The following SPON1 variants were observed in gnomAD, a reference collection of about 807,000 sequenced individuals.
SPON1 encodes the protein spondin 1, also known as spondin-1.
In SPON1, 52 loss-of-function variants were observed where a neutral mutation model predicts 111.7. That is an observed-to-expected ratio of 0.47 (90% CI 0.37 to 0.59). SPON1 has a LOEUF of 0.59. Among genes scored for constraint, SPON1 ranks in the 20% least tolerant of loss-of-function variants. The pLI is 0.00. For missense variants in SPON1, 957 were observed against 1,068.5 expected (o/e 0.90, Z 1.46); for synonymous variants, 410 against 395.8 (o/e 1.04, Z -0.43).
At chr11:14,002,740 C>T (rs1554912578) in intron 2 of SPON1, among the ~76,000 whole-genome samples, 2 of 152,112 alleles carry the variant, frequency 1.3e-5, no homozygotes, top group African/African-American at 4.8e-5. Context: ...ACCCCAAACA[C>T]AGTAGAAGAT....
intron 1 of SPON1, among the ~76,000 whole-genome samples, chr11:13,973,003 C>A (rs1554908781): frequency 6.6e-6 from 1 of 152,166 alleles, no homozygotes. Flanking sequence ...CTCGCTTCTA[C>A]CTTCTCTGTC....
intron 6 of SPON1, among the ~76,000 whole-genome samples, chr11:14,139,485 C>T (rs1166145738): frequency 6.6e-6 from 1 of 152,114 alleles, no homozygotes; most frequent in Non-Finnish European, 1.5e-5. Flanking sequence ...CTATTATATC[C>T]CCTGAGCTTG....
chr11:13,998,562 C>T (rs1364260223), intron 2 of SPON1, among the ~76,000 whole-genome samples: 1 of 152,206 alleles, frequency 6.6e-6, no homozygotes, highest in Non-Finnish European at 1.5e-5. Context: ...TCTAGTTCTT[C>T]GCTCACTGTG....
intron 3 of SPON1, among the ~76,000 whole-genome samples, chr11:14,052,237 A>T (rs1293711902): frequency 1.3e-5 from 2 of 152,260 alleles, no homozygotes; most frequent in African/African-American, 4.8e-5. Flanking sequence ...GTGGGAAGAG[A>T]GGATGAGTAT....
intron 5 of SPON1, among the ~76,000 whole-genome samples, chr11:14,133,054 C>T (rs1228211724): frequency 1.3e-5 from 2 of 152,202 alleles, no homozygotes; most frequent in African/African-American, 4.8e-5. Context: ...CAGTCCCTGT[C>T]TGCTGGCTCT....
At chr11:14,012,131 T>C (rs1049469961) in intron 2 of SPON1, among the ~76,000 whole-genome samples, 9 of 152,112 alleles carry the variant, frequency 5.9e-5, no homozygotes, top group Admixed American at 5.2e-4. Flanking sequence ...AGGGAGTTCG[T>C]TGACACTTTA....
chr11:14,171,126 G>A (rs1554932412), intron 6 of SPON1, among the ~76,000 whole-genome samples: 1 of 152,098 alleles, frequency 6.6e-6, no homozygotes, highest in East Asian at 1.9e-4. Flanking sequence ...TCTGGTCCTG[G>A]ACTTTTTTTG....
At chr11:14,032,903 C>T (rs1387931033) in intron 2 of SPON1, among the ~76,000 whole-genome samples, 1 of 152,110 alleles carries the variant, frequency 6.6e-6, no homozygotes, top group African/African-American at 2.4e-5. Flanking sequence ...TTCTTCAGGC[C>T]CAGCCCACCC....
intron 6 of SPON1, among the ~76,000 whole-genome samples, chr11:14,168,386 T>C (rs1046350916): frequency 2.6e-5 from 4 of 152,200 alleles, no homozygotes; most frequent in Non-Finnish European, 5.9e-5. Context: ...TCTGACAAAA[T>C]GTTTGATTTA....
chr11:14,001,311 A>G (rs11023048), intron 2 of SPON1, among the ~76,000 whole-genome samples: 33,200 of 152,154 alleles, frequency 0.22, 4,331 homozygotes, highest in South Asian at 0.32. Context: ...TTTTAACCCC[A>G]GGAGCCCTCA....
intron 1 of SPON1, among the ~76,000 whole-genome samples, chr11:13,982,257 T>C (rs1554909755): frequency 6.6e-6 from 1 of 152,122 alleles, no homozygotes; most frequent in East Asian, 1.9e-4. Flanking sequence ...AGGCATCCAT[T>C]TGGGGTCTTG....
intron 6 of SPON1, among the ~76,000 whole-genome samples, chr11:14,156,348 T>G (rs1481185647): frequency 7.6e-6 from 1 of 131,998 alleles, no homozygotes; most frequent in African/African-American, 2.7e-5. Flanking sequence ...GTTGTTTGTT[T>G]TTTTCTTGTA....
intron 2 of SPON1, among the ~76,000 whole-genome samples, chr11:14,029,788 T>G (rs1445644334): frequency 2.6e-5 from 4 of 152,208 alleles, no homozygotes; most frequent in African/African-American, 9.6e-5. Context: ...TGGGGACCCT[T>G]GGCTGCCTCC....
chr11:13,963,189 C>A, intron 1 of SPON1, 47 bp downstream of exon 1: 4 of 1,381,600 alleles, frequency 2.9e-6, no homozygotes, highest in Non-Finnish European at 3.8e-6. Context: ...ACCCGGTCCC[C>A]GGAGGGCGCC....
chr11:14,076,325 G>T (rs566095027), intron 4 of SPON1, among the ~76,000 whole-genome samples: 2 of 152,208 alleles, frequency 1.3e-5, no homozygotes, highest in Admixed American at 1.3e-4. Context: ...AGTGTTTGGA[G>T]AAGAAATAAT....
Position 14,160,889 on chromosome 11 carries a change from A to T in SPON1, c.825+25321A>T, listed in dbSNP as rs375560857. Among the ~76,000 whole-genome samples the T allele has an allele frequency of 2.2e-3, 113 of 50,262 alleles. 14 individuals are homozygous for T. Among genetic ancestry groups the T allele is most frequent in the South Asian group, 0.019 (26 of 1,360 alleles). 33.0% of individuals were successfully genotyped at this position (50,262 alleles called of 152,430 possible). A position where few individuals can be genotyped will look rare whatever the true frequency, so the allele number is the denominator to read the frequency against. On this transcript the variant is annotated intron_variant, in intron 6 of 15. Coordinates refer to ENST00000576479, the MANE Select transcript of SPON1 (RefSeq NM_006108.4). ...TATATTTTTATATTTTTATATATTT[A>T]TATATATTTATATATTTATATATAT... is the stretch of plus-strand genomic sequence containing the variant.
At chr11:13,995,159 C>G (rs1554911647) in intron 2 of SPON1, among the ~76,000 whole-genome samples, 1 of 152,158 alleles carries the variant, frequency 6.6e-6, no homozygotes. Context: ...TAACCACTAG[C>G]ACTGTGAGTG....
At chr11:13,972,951 C>T (rs1026834776) in intron 1 of SPON1, among the ~76,000 whole-genome samples, 3 of 152,180 alleles carry the variant, frequency 2.0e-5, no homozygotes, top group Non-Finnish European at 4.4e-5. Context: ...CTCTCTCTCT[C>T]TCTCTGTCCC....
chr11:14,139,021 AC>A (rs1847621876), intron 6 of SPON1, among the ~76,000 whole-genome samples: 2 of 152,176 alleles, frequency 1.3e-5, no homozygotes, highest in African/African-American at 4.8e-5. Flanking sequence ...TTTATAAAAA[AC>A]AAATCAGATC....
Sources: allele counts gnomAD v4.1 joint callset (sites outside exome capture counted in the v4.1 genomes callset), GRCh38; gene constraint gnomAD v4.1.1; transcripts MANE v1.5; gene names NCBI Gene and HGNC (gene_info 2026-07-23, HGNC 2026-07-21).